Variants in RGL4 observed in about 807,000 individuals in gnomAD.
RGL4 encodes ral guanine nucleotide dissociation stimulator like 4.
RGL4 carries 41 observed loss-of-function variants against 49.6 expected under a neutral mutation model. The ratio of observed to expected loss-of-function variants is 0.83; its 90% CI spans 0.64 to 1.07. The LOEUF is 1.07. Among genes scored for constraint, RGL4 ranks in the 50% least tolerant of loss-of-function variants. RGL4 has a pLI of 0.00. For synonymous variants in RGL4, 255 were observed against 238.0 expected (o/e 1.07, Z -0.66); for missense variants, 610 against 591.9 (o/e 1.03, Z -0.32).
At chr22:23,693,557 A>T (rs769381780) in intron 3 of RGL4, among the ~76,000 whole-genome samples, 55 of 152,142 alleles carry the variant, frequency 3.6e-4, no homozygotes, top group Non-Finnish European at 4.1e-4. Context: ...GTTCTAGGCC[A>T]TGATGCATTC....
rs551492880 is a variant in RGL4 at position 23,693,173 on chromosome 22, C to T, written c.696+182C>T. The T allele has an allele frequency of 3.3e-5, 35 of 1,062,866 alleles. 1 individual carries two copies. In the South Asian group the frequency reaches 4.9e-4, roughly 15 times the overall value. The allele number at this position is 1,062,866 out of a possible 1,614,324, so 65.8% of individuals were successfully genotyped here. A position where few individuals can be genotyped will look rare whatever the true frequency, so the allele number is the denominator to read the frequency against. ...CTGCATGTGGACGGCAGAGATGGGA[C>T]ATCACCAGCGCCAGCTGCACAGAGT... On this transcript the variant is annotated intron_variant, in intron 3 of 10. Coordinates refer to ENST00000290691, the MANE Select transcript of RGL4 (RefSeq NM_153615.2).
Position 23,691,999 on chromosome 22 carries a change from C to T in RGL4, c.-32C>T. ...GACATCTGCCCCTTCCCTCCTAACC[C>T]CAGGACCAGGGGACCCAGATCTGGA... On this transcript the variant is annotated 5_prime_UTR_variant, in exon 1 of 11. Transcript: ENST00000290691. The T allele has an allele frequency of 6.2e-7, 1 of 1,608,460 alleles. No homozygotes were observed. The highest frequency in any genetic ancestry group is 8.5e-7 in the Non-Finnish European group (1 of 1,176,276).
At position 23,692,169 on chromosome 22, in the gene RGL4, G is replaced by A. The variant is rs1293646664; in HGVS notation, c.139G>A (p.Gly47Ser). 3 of 1,614,072 alleles carry A rather than the reference G, an allele frequency of 1.9e-6. No homozygotes were observed. Among genetic ancestry groups the A allele is most frequent in the South Asian group, 2.2e-5 (2 of 91,092 alleles). The change falls in exon 1 of 11, where the codon GGC (glycine) becomes AGC (serine). Residue 47 changes from glycine to serine, a missense_variant. Coordinates refer to ENST00000290691, the MANE Select transcript of RGL4 (RefSeq NM_153615.2). ...RTRVCTALLY[G>S]QVCPFQDSTD... ...GAGGGTCTGTACAGCCCTGCTGTAT[G>A]GCCAGGTCTGCCCCTTCCAGGACAG...
At position 23,692,204 on chromosome 22, in the gene RGL4, C is replaced by T; in HGVS notation, c.174C>T (p.Gly58=). ...QVCPFQDSTD[G]LRTITSILFN... ...GCCCCTTCCAGGACAGCACTGATGG[C>T]TTACGGTAGGGTGGGGCTGTCCTCC... The change falls in exon 1 of 11, where the codon GGC becomes GGT. Residue 58 remains glycine (G), a synonymous_variant. Coordinates refer to ENST00000290691, the MANE Select transcript of RGL4 (RefSeq NM_153615.2). 1 of 1,612,768 alleles carries T rather than the reference C, an allele frequency of 6.2e-7. No individual in the cohort carries two copies. The highest frequency in any genetic ancestry group is 8.5e-7 in the Non-Finnish European group (1 of 1,178,892).
intron 4 of RGL4, 182 bp downstream of exon 4, chr22:23,694,156 G>A (rs1601286263): frequency 8.4e-6 from 6 of 713,624 alleles, no homozygotes; most frequent in East Asian, 8.1e-5. Flanking sequence ...GCTCACTTCC[G>A]ACCTGGGGTC....
At position 23,697,195 on chromosome 22, in the gene RGL4, T is replaced by G. The variant is rs775558668; in HGVS notation, c.1186T>G (p.Phe396Val). Residue 396 changes from phenylalanine to valine, a missense_variant, in exon 8 of 11, where the codon TTT becomes GTT. Transcript: ENST00000290691. ...GGGTGTGGTCCCCTTCCTGGGGGAT[T>G]TTCTGACTGAGTTACAGAGGCTGGA... ...KKGVVPFLGD[F>V]LTELQRLDSA... The G allele has an allele frequency of 6.2e-7, 1 of 1,613,476 alleles. No individual in the cohort carries two copies.
intron 9 of RGL4, 87 bp downstream of exon 9, chr22:23,697,948 C>T: frequency 5.4e-6 from 8 of 1,470,988 alleles, no homozygotes; most frequent in Non-Finnish European, 7.5e-6. Context: ...TGGCTCCATC[C>T]TCTACATCTT....
intron 7 of RGL4, 93 bp downstream of exon 7, chr22:23,696,781 G>A: frequency 1.8e-6 from 2 of 1,133,924 alleles, no homozygotes; most frequent in Non-Finnish European, 1.3e-6. Context: ...AAGACAGCGG[G>A]GGCTTCCTCC....
intron 9 of RGL4, 23 bp downstream of exon 9, chr22:23,697,884 T>C (rs371005667): frequency 1.7e-5 from 28 of 1,601,338 alleles, no homozygotes; most frequent in South Asian, 1.7e-4. Flanking sequence ...GGCACTCACG[T>C]TGGATGAGGG....
chr22:23,698,189 A>G (rs1025632175), intron 9 of RGL4, 23 bp from the exon 10 acceptor site: 1 of 1,589,848 alleles, frequency 6.3e-7, no homozygotes, highest in African/African-American at 1.3e-5. Flanking sequence ...AGGCCCTGTC[A>G]GCATCCTGTC....
At position 23,692,323 on chromosome 22, in the gene RGL4, C is replaced by T. The variant is rs1923190020; in HGVS notation, c.180-12C>T. The T allele has an allele frequency of 1.2e-6, 2 of 1,613,446 alleles. No homozygotes were observed. Among genetic ancestry groups the T allele is most frequent in the Admixed American group, 1.7e-5 (1 of 59,976 alleles). On this transcript the variant is annotated splice_polypyrimidine_tract_variant and intron_variant, in intron 1 of 10. Transcript: ENST00000290691. ...GCCAGGCCTCTGACTCAGCTGTCTA[C>T]TCCATCACCAGCACCATCACCTCCA...
At chr22:23,694,124 C>A in intron 4 of RGL4, 150 bp downstream of exon 4, 2 of 774,114 alleles carry the variant, frequency 2.6e-6, no homozygotes, top group Non-Finnish European at 4.2e-6. Flanking sequence ...CTCACCTTGA[C>A]TCCCACGGCC....
In RGL4 at chr22:23,692,521, G is replaced by A. The variant is rs1168476929; in HGVS notation, c.366G>A (p.Lys122=). 3 of 1,613,286 alleles carry A rather than the reference G, an allele frequency of 1.9e-6. No homozygotes were observed. Among genetic ancestry groups the A allele is most frequent in the Non-Finnish European group, 2.5e-6 (3 of 1,179,364 alleles). The change falls in exon 2 of 11, where the codon AAG becomes AAA. Residue 122 remains lysine, a synonymous_variant. Coordinates refer to ENST00000290691, the MANE Select transcript of RGL4 (RefSeq NM_153615.2). ...QLVLPEPNEA[K]PDDPAPRPGQ... Reference sequence around the variant, plus strand: ...TGCTTCCGGAGCCCAACGAGGCCAAGCCAGATGGTGAGGGGGCTTGCAGTC... The same window carrying A: ...TGCTTCCGGAGCCCAACGAGGCCAAACCAGATGGTGAGGGGGCTTGCAGTC...
chr22:23,692,369 G>T lies in RGL4; in HGVS notation c.214G>T (p.Glu72Ter). 6.2e-7 allele frequency: 1 copy of T among 1,614,128 alleles called. No individual in the cohort carries two copies. The highest frequency in any genetic ancestry group is 8.5e-7 in the Non-Finnish European group (1 of 1,179,996). ...ITSILFNWPP[E>*]NTSVYYQPPQ... Reference sequence around the variant, plus strand: ...CTCCATTTTGTTCAACTGGCCCCCCGAAAACACTTCAGTTTACTATCAGCC... The same window carrying T: ...CTCCATTTTGTTCAACTGGCCCCCCTAAAACACTTCAGTTTACTATCAGCC... Residue 72 changes from glutamate to a stop codon, truncating the protein, a stop_gained, in exon 2 of 11, where the codon GAA becomes TAA. Transcript: ENST00000290691. LOFTEE classifies it high-confidence loss of function.
intron 9 of RGL4, 146 bp from the exon 10 acceptor site, chr22:23,698,066 T>C (rs1923626894): frequency 1.6e-6 from 2 of 1,240,334 alleles, no homozygotes; most frequent in South Asian, 1.4e-5. Flanking sequence ...GGGCTGTTTA[T>C]ATCCAACTCT....
At position 23,695,883 on chromosome 22, in the gene RGL4, A is replaced by G. The variant is rs189440787; in HGVS notation, c.1087-731A>G. On this transcript the variant is annotated intron_variant, in intron 6 of 10. Coordinates refer to ENST00000290691, the MANE Select transcript of RGL4 (RefSeq NM_153615.2). ...GGCTACTTCCTCAGTGGAGAAAGAG[A>G]GAGTTCCGTGCACGGAACTCCCCTG... 7.7e-3 allele frequency among the ~76,000 whole-genome samples: 1,169 copies of G among 152,268 alleles called. 10 individuals carry two copies. The highest frequency in any genetic ancestry group is 0.048 in the Middle Eastern group (14 of 294).
At chr22:23,695,475 C>T (rs1601288072) in intron 6 of RGL4, 1 of 571,624 alleles carries the variant, frequency 1.7e-6, no homozygotes, top group Non-Finnish European at 2.9e-6. Context: ...GCTGCTGCTG[C>T]TGTCTGCAGC....
intron 3 of RGL4, chr22:23,693,238 G>C: frequency 1.5e-6 from 1 of 664,104 alleles, no homozygotes; most frequent in Middle Eastern, 4.3e-4. Context: ...ACAGAAAGCA[G>C]GGCAGGGCAG....
rs1923655094 is a variant in RGL4, at chr22:23,698,341, C to T, written c.1382+8C>T. ...GCTCAGTGACAAAGAGAGGTGAGGG[C>T]CTAGCCCATGGGCTGAGGGTGGGAG... On this transcript the variant is annotated splice_region_variant and intron_variant, in intron 10 of 10. Coordinates refer to ENST00000290691, the MANE Select transcript of RGL4 (RefSeq NM_153615.2). 6.3e-7 allele frequency: 1 copy of T among 1,598,562 alleles called. No homozygotes were observed. The highest frequency in any genetic ancestry group is 1.1e-5 in the South Asian group (1 of 90,624).
Sources: gnomAD v4.1 joint callset for allele counts (sites outside exome capture counted in the v4.1 genomes callset) on GRCh38, gnomAD v4.1.1 for gene constraint, MANE v1.5 for transcripts, NCBI Gene and HGNC (gene_info 2026-07-23, HGNC 2026-07-21) for gene names.